VPS13D: variants seen among roughly 807,000 people sequenced by gnomAD.
VPS13D encodes the protein intermembrane lipid transfer protein VPS13D.
VPS13D carries 187 observed loss-of-function variants against 461.9 expected under a neutral mutation model. That is an observed-to-expected ratio of 0.40 (90% confidence interval 0.36 to 0.46). VPS13D has a LOEUF of 0.46. VPS13D is among the 20% of genes least tolerant of loss of function. VPS13D has a pLI of 0.60. For synonymous variants in VPS13D, 1,951 were observed against 1,986.3 expected (o/e 0.98, Z 0.47); for missense variants, 4,711 against 5,364.9 (o/e 0.88, Z 3.81).
intron 21 of VPS13D, among the ~76,000 whole-genome samples, chr1:12,287,656 A>G (rs1258309312): frequency 2.0e-5 from 3 of 152,212 alleles, no homozygotes; most frequent in African/African-American, 7.2e-5. Flanking sequence ...ACAATATTGC[A>G]TTATGAAATT....
At chr1:12,508,542 TAAAA>T (rs540771447) in intron 69 of VPS13D, among the ~76,000 whole-genome samples, 67 of 116,258 alleles carry the variant, frequency 5.8e-4, no homozygotes, top group African/African-American at 1.7e-3. Flanking sequence ...CATCTCTACT[TAAAA>T]AAAAAAAAAA....
chr1:12,274,531 C>T (rs1287086807), intron 18 of VPS13D, among the ~76,000 whole-genome samples: 1 of 151,758 alleles, frequency 6.6e-6, no homozygotes, highest in Non-Finnish European at 1.5e-5. Flanking sequence ...AGGCAGGTCT[C>T]GAACTCCTAA....
chr1:12,249,429 G>T, intron 6 of VPS13D, 90 bp downstream of exon 6: 2 of 1,000,886 alleles, frequency 2.0e-6, no homozygotes, highest in Non-Finnish European at 3.0e-6. Flanking sequence ...TTATGTAAAT[G>T]AATCACATTC....
At chr1:12,352,181 C>T (rs1352050682) in intron 46 of VPS13D, among the ~76,000 whole-genome samples, 1 of 151,866 alleles carries the variant, frequency 6.6e-6, no homozygotes, top group Non-Finnish European at 1.5e-5. Flanking sequence ...ATCCCAGCTA[C>T]TCCAGAGGCT....
rs1569689707 is a variant in VPS13D at position 12,253,846 on chromosome 1, A to G, written c.669+20A>G. The G allele has an allele frequency of 1.9e-6, 3 of 1,604,544 alleles. No individual in the cohort carries two copies. Among genetic ancestry groups the G allele is most frequent in the Non-Finnish European group, 2.6e-6 (3 of 1,171,712 alleles). ...TTACAGGTACGATTTCGGCAGGGAGATTTGTTGCAAGACAGCATGGAAGGG... is the reference window on the plus strand; with the variant it reads ...TTACAGGTACGATTTCGGCAGGGAGGTTTGTTGCAAGACAGCATGGAAGGG... On this transcript the variant is annotated intron_variant, in intron 7 of 69. Transcript: ENST00000620676.
intron 60 of VPS13D, among the ~76,000 whole-genome samples, chr1:12,392,986 A>G (rs1644447844): frequency 6.6e-6 from 1 of 152,236 alleles, no homozygotes; most frequent in South Asian, 2.1e-4. Context: ...CCAAAATCCA[A>G]ATAGGCCCAC....
Position 12,277,319 on chromosome 1 carries a change from A to C in VPS13D, c.3731A>C (p.Tyr1244Ser). 3 of 1,614,256 alleles carry C rather than the reference A, an allele frequency of 1.9e-6. No individual in the cohort carries two copies. Among genetic ancestry groups the C allele is most frequent in the Non-Finnish European group, 1.7e-6 (2 of 1,180,040 alleles). The stretch of plus-strand genomic sequence containing the variant: ...GTCAGCATTGGGAATTCTGTAGGCT[A>C]TGAAAATATCATCAGTGATATTGGC... Reference protein sequence around the residue: ...YVVSIGNSVGYENIISDIGYF... With the variant: ...YVVSIGNSVGSENIISDIGYF... Residue 1244 changes from tyrosine to serine, a missense_variant, in exon 19 of 70, where the codon TAT becomes TCT. Tyr to Ser is a moderately radical substitution (Grantham distance 144). Coordinates refer to ENST00000620676, the MANE Select transcript of VPS13D (RefSeq NM_015378.4).
intron 2 of VPS13D, among the ~76,000 whole-genome samples, chr1:12,239,892 C>T (rs1218481283): frequency 1.3e-5 from 2 of 152,102 alleles, no homozygotes; most frequent in Non-Finnish European, 2.9e-5. Context: ...TTATAAAGCA[C>T]TCAGTACATT....
chr1:12,329,754 C>T (rs1029168704), intron 36 of VPS13D, 75 bp from the exon 37 acceptor site: 205 of 1,076,622 alleles, frequency 1.9e-4, no homozygotes, highest in Non-Finnish European at 2.7e-4. Flanking sequence ...TCTAATGTTT[C>T]TTTAATGTCA....
chr1:12,388,021 A>C (rs977704938), intron 60 of VPS13D, among the ~76,000 whole-genome samples: 5 of 152,238 alleles, frequency 3.3e-5, no homozygotes, highest in Non-Finnish European at 2.9e-5. Flanking sequence ...TCTGTTCTAC[A>C]CAAAGTAATG....
chr1:12,423,931 C>G (rs1444423074), intron 65 of VPS13D, among the ~76,000 whole-genome samples: 1 of 152,190 alleles, frequency 6.6e-6, no homozygotes, highest in Non-Finnish European at 1.5e-5. Context: ...CAAAAGAATG[C>G]ACTGAGTGAG....
chr1:12,319,826 A>G (rs1352790450), intron 32 of VPS13D, among the ~76,000 whole-genome samples, 196 bp downstream of exon 32: 1 of 152,218 alleles, frequency 6.6e-6, no homozygotes, highest in African/African-American at 2.4e-5. Context: ...TCCCAGTGTT[A>G]GTCTATAAAT....
intron 69 of VPS13D, among the ~76,000 whole-genome samples, chr1:12,508,088 G>C (rs1043445610): frequency 2.6e-5 from 4 of 152,162 alleles, no homozygotes; most frequent in Non-Finnish European, 4.4e-5. Flanking sequence ...GGGGTCATTG[G>C]CTTAAGTTAG....
At chr1:12,296,126 T>C (rs1054851322) in intron 24 of VPS13D, among the ~76,000 whole-genome samples, 33 of 152,222 alleles carry the variant, frequency 2.2e-4, no homozygotes, top group African/African-American at 7.5e-4. Flanking sequence ...TTAGCTCTTA[T>C]GTACTGTGAG....
intron 10 of VPS13D, among the ~76,000 whole-genome samples, chr1:12,259,596 G>GC (rs1641039066): frequency 6.6e-6 from 1 of 151,956 alleles, no homozygotes; most frequent in Admixed American, 6.5e-5. Flanking sequence ...GAGCCACTGC[G>GC]CCCAGCCCTT....
At position 12,369,503 on chromosome 1, in the gene VPS13D, C is replaced by T; in HGVS notation, c.10609C>T (p.Pro3537Ser). Residue 3537 changes from proline (P) to serine (S), a missense_variant, in exon 54 of 70, where the codon CCC becomes TCC. Pro to Ser is a moderately conservative substitution (Grantham distance 74, BLOSUM62 -1). Around this residue, in one of 3 missense-constraint regions of VPS13D, gnomAD observed 4,411 missense variants for 4,937.8 expected, o/e 0.89. Transcript: ENST00000620676. The stretch of plus-strand genomic sequence containing the variant: ...CTTTACTCAGCATGGCGTAGCTGAA[C>T]CCAGGCTCCGGACTGAAGTGAAGCC... ...VVFTQHGVAE[P>S]RLRTEVKPMT... is the part of the protein sequence containing the mutation. 6.2e-7 allele frequency: 1 copy of T among 1,614,174 alleles called. No individual in the cohort carries two copies. Among genetic ancestry groups the T allele is most frequent in the Non-Finnish European group, 8.5e-7 (1 of 1,180,034 alleles).
At chr1:12,438,238 A>C (rs1349104736) in intron 65 of VPS13D, among the ~76,000 whole-genome samples, 1 of 152,220 alleles carries the variant, frequency 6.6e-6, no homozygotes, top group Non-Finnish European at 1.5e-5. Context: ...TCAAGAGGTC[A>C]TTGGGGGTGA....
At chr1:12,468,362 T>C (rs2100441853) in intron 67 of VPS13D, among the ~76,000 whole-genome samples, 1 of 152,342 alleles carries the variant, frequency 6.6e-6, no homozygotes, top group East Asian at 1.9e-4. Flanking sequence ...TGCCTCATGT[T>C]TTTCCCTTAC....
intron 27 of VPS13D, among the ~76,000 whole-genome samples, chr1:12,310,388 T>A (rs1642699465): frequency 6.6e-6 from 1 of 152,204 alleles, no homozygotes; most frequent in African/African-American, 2.4e-5. Flanking sequence ...ACACTAGCCC[T>A]CTCTATACTT....
Sources: allele counts gnomAD v4.1 joint callset (sites outside exome capture counted in the v4.1 genomes callset), GRCh38; gene constraint gnomAD v4.1.1; regional missense constraint gnomAD v4.1.1; transcripts MANE v1.5; gene names NCBI Gene and HGNC (gene_info 2026-07-23, HGNC 2026-07-21).